The following TKT variants were observed in gnomAD, a reference collection of about 807,000 sequenced individuals.
TKT encodes epididymis luminal protein 107.
In TKT, 47 loss-of-function variants were observed where a neutral mutation model predicts 63.9. The observed-to-expected ratio is 0.74, with a 90% CI of 0.58 to 0.94. The LOEUF is 0.94. TKT is among the 40% of genes least tolerant of loss of function. The pLI, the probability that TKT is intolerant of heterozygous loss-of-function variation, is 0.00. For synonymous variants in TKT, 338 were observed against 334.1 expected (o/e 1.01, Z -0.13); for missense variants, 721 against 846.2 (o/e 0.85, Z 1.84).
rs367812486 is a variant in TKT, at chr3:53,229,293, G to A, written c.1251C>T (p.Cys417=). 57 of 1,613,826 alleles carry A rather than the reference G, an allele frequency of 3.5e-5. No individual in the cohort carries two copies. Among genetic ancestry groups the A allele is most frequent in the Non-Finnish European group, 4.4e-5 (52 of 1,179,946 alleles). ...GGCTAAACTCACCGATGGAAACGCC[G>A]CAGTGGGAGCCGCAGAGGTTGATGT... is the stretch of plus-strand genomic sequence containing the variant. ...ESNINLCGSH[C]GVSIGEDGPS... Residue 417 remains cysteine, a synonymous_variant, in exon 9 of 14, where the codon TGC becomes TGT. Transcript: ENST00000462138.
At position 53,226,874 on chromosome 3, in the gene TKT, C is replaced by T. The variant is rs782331545; in HGVS notation, c.1578G>A (p.Lys526=). Residue 526 remains lysine (K), a synonymous_variant, in exon 13 of 14, where the codon AAG becomes AAA. Transcript: ENST00000462138. Reference sequence around the variant, plus strand: ...AGGGGTCCAGCACGCGGATGTTGATCTTTTCTGTGAGGGAGAGCACACGGC... The same window carrying T: ...AGGGGTCCAGCACGCGGATGTTGATTTTTTCTGTGAGGGAGAGCACACGGC... ...LAAAELLKKE[K]INIRVLDPFT... is the part of the protein sequence containing the mutation. 2 of 1,607,268 alleles carry T rather than the reference C, an allele frequency of 1.2e-6. No individual in the cohort carries two copies. The highest frequency in any genetic ancestry group is 1.1e-5 in the South Asian group (1 of 90,144).
At chr3:53,236,354 A>G (rs1705032848) in intron 4 of TKT, among the ~76,000 whole-genome samples, 1 of 152,202 alleles carries the variant, frequency 6.6e-6, no homozygotes, top group South Asian at 2.1e-4. Flanking sequence ...AGCATGACTC[A>G]GCACTTCCAC....
intron 4 of TKT, among the ~76,000 whole-genome samples, chr3:53,239,616 G>A (rs945717967): frequency 1.3e-5 from 2 of 151,966 alleles, no homozygotes; most frequent in African/African-American, 2.4e-5. Context: ...TCTGACCACC[G>A]CAGACAAACT....
At chr3:53,233,097 C>T (rs781847143) in intron 6 of TKT, 59 bp downstream of exon 6, 16 of 1,457,070 alleles carry the variant, frequency 1.1e-5, no homozygotes, top group Non-Finnish European at 1.4e-5. Flanking sequence ...GTCAGAGCTA[C>T]GTAGCCACAG....
chr3:53,233,390 T>G, intron 5 of TKT, 116 bp from the exon 6 acceptor site: 1 of 673,104 alleles, frequency 1.5e-6, no homozygotes, highest in Non-Finnish European at 2.3e-6. Context: ...ACCCCACAAC[T>G]GCGGCCTCAG....
intron 4 of TKT, chr3:53,237,661 G>T (rs1232837080): frequency 1.3e-5 from 2 of 152,288 alleles, no homozygotes; most frequent in Non-Finnish European, 2.9e-5. Flanking sequence ...AGTGGCTCAT[G>T]CCTGTAATCC....
chr3:53,243,217 C>T (rs1205325526), intron 1 of TKT, among the ~76,000 whole-genome samples: 1 of 151,984 alleles, frequency 6.6e-6, no homozygotes, highest in Admixed American at 6.5e-5. Context: ...TCCTGCTTCC[C>T]AGCAGGAAGC....
intron 1 of TKT, among the ~76,000 whole-genome samples, chr3:53,244,357 TG>T (rs1290918972): frequency 6.6e-6 from 1 of 152,136 alleles, no homozygotes; most frequent in African/African-American, 2.4e-5. Context: ...CTTCAACAAG[TG>T]CTTCGTCAAC....
intron 6 of TKT, 99 bp from the exon 7 acceptor site, chr3:53,231,649 G>A: frequency 7.7e-7 from 1 of 1,294,446 alleles, no homozygotes; most frequent in Non-Finnish European, 1.1e-6. Context: ...CCTGCCGAGG[G>A]CAAGGGAGGA....
intron 1 of TKT, among the ~76,000 whole-genome samples, chr3:53,251,250 G>C (rs942524433): frequency 1.3e-5 from 2 of 152,248 alleles, no homozygotes; most frequent in Non-Finnish European, 2.9e-5. Flanking sequence ...GCCTGACTGT[G>C]ATGGAGTCCT....
chr3:53,242,705 C>G (rs1553680170), intron 1 of TKT, among the ~76,000 whole-genome samples: 1 of 152,146 alleles, frequency 6.6e-6, no homozygotes, highest in African/African-American at 2.4e-5. Flanking sequence ...CGACTGACCC[C>G]ACATCCTGAC....
At chr3:53,226,161 C>A in intron 13 of TKT, 1 of 448,448 alleles carries the variant, frequency 2.2e-6, no homozygotes, top group Non-Finnish European at 3.9e-6. Flanking sequence ...CTCAAGAAAT[C>A]CGCTGTCCTC....
At chr3:53,233,071 T>C (rs1337820423) in intron 6 of TKT, 85 bp downstream of exon 6, 2 of 1,186,106 alleles carry the variant, frequency 1.7e-6, no homozygotes, top group Non-Finnish European at 2.4e-6. Flanking sequence ...CAAGGGCTGT[T>C]TCCCTGGATG....
Position 53,240,760 on chromosome 3 carries a change from G to T in TKT, c.339+372C>A, listed in dbSNP as rs78022619. On this transcript the variant is annotated intron_variant, in intron 3 of 13. Coordinates refer to ENST00000462138, the MANE Select transcript of TKT (RefSeq NM_001064.4). Reference sequence around the variant, plus strand: ...CAGGGATGCCAGATGGCACCCCAAGGAACAAACTGGGTCCCTTCCCCAGGG... The same window carrying T: ...CAGGGATGCCAGATGGCACCCCAAGTAACAAACTGGGTCCCTTCCCCAGGG... Among the ~76,000 whole-genome samples the T allele has an allele frequency of 1.3e-5, 2 of 152,206 alleles. 1 individual carries two copies. The highest frequency in any genetic ancestry group is 3.9e-4 in the East Asian group (2 of 5,184).
intron 4 of TKT, among the ~76,000 whole-genome samples, chr3:53,237,112 AG>A (rs1705066315): frequency 6.6e-6 from 1 of 152,218 alleles, no homozygotes; most frequent in Non-Finnish European, 1.5e-5. Context: ...GGATGTGTGC[AG>A]TGGCTCACGC....
intron 10 of TKT, chr3:53,228,695 C>A: frequency 1.9e-6 from 1 of 513,444 alleles, no homozygotes. Flanking sequence ...GACCACAGGG[C>A]TCAGCTCATC....
intron 1 of TKT, chr3:53,243,584 A>G (rs1473408700): frequency 4.4e-6 from 2 of 456,530 alleles, no homozygotes; most frequent in African/African-American, 4.0e-5. Context: ...ATACTTAACT[A>G]TTTCTATGAA....
intron 2 of TKT, 48 bp downstream of exon 2, chr3:53,242,077 C>G (rs1553679991): frequency 6.4e-7 from 1 of 1,572,208 alleles, no homozygotes; most frequent in Non-Finnish European, 8.8e-7. Context: ...CCCGTGTGAC[C>G]CTAGTCCCAG....
chr3:53,242,721 T>A (rs898605083), intron 1 of TKT, among the ~76,000 whole-genome samples: 1 of 152,134 alleles, frequency 6.6e-6, no homozygotes, highest in South Asian at 2.1e-4. Context: ...CTGACAGGAC[T>A]GCCCGGACAC....
Sources: gnomAD v4.1 joint callset for allele counts (sites outside exome capture counted in the v4.1 genomes callset) on GRCh38, gnomAD v4.1.1 for gene constraint, MANE v1.5 for transcripts, NCBI Gene and HGNC (gene_info 2026-07-23, HGNC 2026-07-21) for gene names.